SORCS3: variants seen among roughly 807,000 people sequenced by gnomAD.
The protein encoded by SORCS3 is VPS10 domain-containing receptor SorCS3.
Under a neutral mutation model 146.3 loss-of-function variants are expected in SORCS3, and 57 were observed. The observed-to-expected ratio is 0.39, with a 90% CI of 0.31 to 0.49. The LOEUF is 0.49. SORCS3 is among the 20% of genes least tolerant of loss of function. The pLI, the probability that SORCS3 is intolerant of heterozygous loss-of-function variation, is 0.92. For missense variants in SORCS3, 1,341 were observed against 1,575.5 expected (o/e 0.85, Z 2.52); for synonymous variants, 653 against 618.5 (o/e 1.06, Z -0.83).
chr10:104,850,781 C>T (rs1357618214), intron 2 of SORCS3, among the ~76,000 whole-genome samples: 2 of 152,236 alleles, frequency 1.3e-5, no homozygotes, highest in Admixed American at 6.5e-5. Context: ...TCTGAGTCCA[C>T]AGTCTCTGCC....
intron 3 of SORCS3, among the ~76,000 whole-genome samples, chr10:104,936,577 T>C (rs1297588140): frequency 1.3e-5 from 2 of 152,166 alleles, no homozygotes; most frequent in Non-Finnish European, 2.9e-5. Context: ...CTGAGTTTGA[T>C]ACTATGGGAC....
chr10:104,717,358 G>A (rs2016492226), intron 1 of SORCS3, among the ~76,000 whole-genome samples: 1 of 147,656 alleles, frequency 6.8e-6, no homozygotes, highest in Non-Finnish European at 1.5e-5. Flanking sequence ...CAAAAAGAAA[G>A]AGATGTTCTG....
chr10:104,934,218 A>G (rs948563201), intron 3 of SORCS3, among the ~76,000 whole-genome samples: 3 of 152,214 alleles, frequency 2.0e-5, no homozygotes, highest in Admixed American at 6.5e-5. Flanking sequence ...ATCAAATAAC[A>G]TAAAGGAACT....
intron 17 of SORCS3, among the ~76,000 whole-genome samples, chr10:105,212,115 CA>C (rs1364978257): frequency 3.9e-5 from 6 of 152,150 alleles, no homozygotes; most frequent in Non-Finnish European, 8.8e-5. Flanking sequence ...CTAGTTGTAA[CA>C]TAATCAGTTA....
rs868382055 is a variant in SORCS3 at position 104,993,601 on chromosome 10, C to A, written c.954+16108C>A. Among the ~76,000 whole-genome samples the A allele has an allele frequency of 7.9e-5, 12 of 151,068 alleles. No homozygotes were observed. The South Asian group carries it at 2.5e-3, about 32-fold the overall frequency. On this transcript the variant is annotated intron_variant, in intron 4 of 26. Transcript: ENST00000369701. ...TCATAATTGAAATGCTGAAAGGTGG[C>A]TGGGAAATTCACTCTCCCTTGAGTC...
chr10:104,828,311 T>A, intron 1 of SORCS3, among the ~76,000 whole-genome samples: 1 of 152,128 alleles, frequency 6.6e-6, no homozygotes, highest in Non-Finnish European at 1.5e-5. Context: ...AGGGTTGATA[T>A]TTGGCCTAAA....
intron 4 of SORCS3, among the ~76,000 whole-genome samples, chr10:104,994,379 C>T (rs2055011235): frequency 6.6e-6 from 1 of 152,160 alleles, no homozygotes; most frequent in Non-Finnish European, 1.5e-5. Context: ...TGCTCATAAG[C>T]ATTATTTAAC....
chr10:105,125,055 CT>C (rs2055963587), intron 7 of SORCS3, among the ~76,000 whole-genome samples: 1 of 152,134 alleles, frequency 6.6e-6, no homozygotes, highest in Non-Finnish European at 1.5e-5. Flanking sequence ...CTTAGGTGTT[CT>C]TTGTCTACGG....
Position 105,005,542 on chromosome 10 carries a change from G to A in SORCS3, c.954+28049G>A, listed in dbSNP as rs564876434. Among the ~76,000 whole-genome samples the A allele has an allele frequency of 2.2e-3, 341 of 152,206 alleles. 2 individuals carry two copies. Among genetic ancestry groups the A allele is most frequent in the Non-Finnish European group, 2.2e-3 (150 of 67,992 alleles). ...AGTGAAGTGTTCAGTAGTGGGGGGA[G>A]GAGGAATAATAGCAGGGGTAGAATT... On this transcript the variant is annotated intron_variant, in intron 4 of 26. Coordinates refer to ENST00000369701, the MANE Select transcript of SORCS3 (RefSeq NM_014978.3).
rs527589283 is a variant in SORCS3 at position 104,905,972 on chromosome 10, G to A, written c.696-9861G>A. On this transcript the variant is annotated intron_variant, in intron 2 of 26. Coordinates refer to ENST00000369701, the MANE Select transcript of SORCS3 (RefSeq NM_014978.3). ...AATATTTAAAGATGAGTGGGACACA[G>A]AATTTAGTTTCTTGAGGGTAGGAAG... is the stretch of plus-strand genomic sequence containing the variant. Among the ~76,000 whole-genome samples, 3 of 152,324 alleles carry A rather than the reference G, an allele frequency of 2.0e-5. No homozygotes were observed. The East Asian group carries it at 5.8e-4, about 29-fold the overall frequency.
intron 6 of SORCS3, among the ~76,000 whole-genome samples, chr10:105,103,131 T>C (rs2055797578): frequency 6.6e-6 from 1 of 152,116 alleles, no homozygotes; most frequent in Non-Finnish European, 1.5e-5. Context: ...CAGAATGTCT[T>C]CTTTTTGCAT....
intron 4 of SORCS3, among the ~76,000 whole-genome samples, chr10:105,031,785 T>C (rs1458809115): frequency 1.3e-5 from 2 of 152,244 alleles, no homozygotes; most frequent in African/African-American, 2.4e-5. Context: ...TGAAAACAGT[T>C]ATAAACATCT....
At chr10:104,837,445 T>C (rs1254239084) in intron 1 of SORCS3, among the ~76,000 whole-genome samples, 1 of 152,232 alleles carries the variant, frequency 6.6e-6, no homozygotes, top group Admixed American at 6.5e-5. Flanking sequence ...ATATAGCTTG[T>C]AAGAAGAGAG....
chr10:104,920,443 G>C (rs2019075922), intron 3 of SORCS3, among the ~76,000 whole-genome samples: 1 of 152,194 alleles, frequency 6.6e-6, no homozygotes, highest in Non-Finnish European at 1.5e-5. Context: ...CCTTCTACCA[G>C]TAATCATCCC....
At chr10:105,139,272 C>A in intron 7 of SORCS3, 125 bp from the exon 8 acceptor site, 1 of 735,424 alleles carries the variant, frequency 1.4e-6, no homozygotes, top group Non-Finnish European at 2.4e-6. Context: ...CCAAAGCCAG[C>A]AAGGAATATT....
chr10:104,840,180 A>C (rs958248380), intron 1 of SORCS3, among the ~76,000 whole-genome samples: 1 of 152,004 alleles, frequency 6.6e-6, no homozygotes, highest in African/African-American at 2.4e-5. Context: ...TCTGAGAGGC[A>C]TGTTCTCATG....
chr10:104,675,572 TGAC>T (rs1160755526), intron 1 of SORCS3, among the ~76,000 whole-genome samples: 2 of 152,206 alleles, frequency 1.3e-5, no homozygotes, highest in African/African-American at 2.4e-5. Context: ...GTGTCTGATG[TGAC>T]GAAGGGGGCC....
intron 4 of SORCS3, among the ~76,000 whole-genome samples, chr10:104,992,648 A>G (rs2055001490): frequency 6.6e-6 from 1 of 152,012 alleles, no homozygotes; most frequent in Admixed American, 6.5e-5. Flanking sequence ...CACTCCATTC[A>G]CTCATGCAAC....
At chr10:104,910,884 T>C (rs1460022777) in intron 2 of SORCS3, among the ~76,000 whole-genome samples, 2 of 152,230 alleles carry the variant, frequency 1.3e-5, no homozygotes, top group African/African-American at 4.8e-5. Context: ...CACTGAACAA[T>C]TCAGAATGGT....
Sources: allele counts gnomAD v4.1 joint callset (sites outside exome capture counted in the v4.1 genomes callset), GRCh38; gene constraint gnomAD v4.1.1; transcripts MANE v1.5; gene names NCBI Gene and HGNC (gene_info 2026-07-23, HGNC 2026-07-21).